AGBL4: variants seen among roughly 807,000 people sequenced by gnomAD.
AGBL4 encodes the protein AGBL carboxypeptidase 4.
AGBL4 carries 58 observed loss-of-function variants against 66.4 expected under a neutral mutation model. The ratio of observed to expected loss-of-function variants is 0.87; its 90% confidence interval spans 0.71 to 1.09. The LOEUF is 1.09. Among genes scored for constraint, AGBL4 ranks in the 50% least tolerant of loss-of-function variants. The pLI, the probability that AGBL4 is intolerant of heterozygous loss-of-function variation, is 0.00. For synonymous variants in AGBL4, 234 were observed against 222.9 expected (o/e 1.05, Z -0.44); for missense variants, 579 against 631.0 (o/e 0.92, Z 0.88).
chr1:49,388,829 G>T (rs1288502020), intron 3 of AGBL4, among the ~76,000 whole-genome samples: 1 of 152,160 alleles, frequency 6.6e-6, no homozygotes, highest in Non-Finnish European at 1.5e-5. Context: ...GAAGTTTAAT[G>T]CCTCTGTCAG....
intron 3 of AGBL4, 126 bp downstream of exon 3, chr1:49,697,187 G>T: frequency 8.9e-7 from 1 of 1,118,438 alleles, no homozygotes; most frequent in Non-Finnish European, 1.2e-6. Flanking sequence ...AACCAAAACT[G>T]TATCATTGCT....
intron 3 of AGBL4, among the ~76,000 whole-genome samples, chr1:49,453,360 G>A (rs1270293117): frequency 6.6e-6 from 1 of 151,736 alleles, no homozygotes; most frequent in Non-Finnish European, 1.5e-5. Flanking sequence ...GACAGCAGAT[G>A]TACCCCAGAT....
chr1:49,067,471 G>A (rs1644512245), intron 4 of AGBL4, among the ~76,000 whole-genome samples: 1 of 152,096 alleles, frequency 6.6e-6, no homozygotes, highest in Non-Finnish European at 1.5e-5. Context: ...CATTCTTTCT[G>A]TTCTTGTAAT....
intron 2 of AGBL4, chr1:49,845,847 T>C: frequency 6.9e-7 from 1 of 1,458,782 alleles, no homozygotes; most frequent in Non-Finnish European, 9.6e-7. Context: ...GCAGTCAGTG[T>C]GGGAAGGCCT....
chr1:49,454,835 A>G (rs1421962175), intron 3 of AGBL4, among the ~76,000 whole-genome samples: 1 of 151,664 alleles, frequency 6.6e-6, no homozygotes, highest in Non-Finnish European at 1.5e-5. Flanking sequence ...ACATGATGTT[A>G]CTAAAGCCAC....
At chr1:49,803,827 T>A (rs540067804) in intron 2 of AGBL4, among the ~76,000 whole-genome samples, 67 of 152,328 alleles carry the variant, frequency 4.4e-4, no homozygotes, top group African/African-American at 1.2e-3. Flanking sequence ...ATAAACCCAG[T>A]TTTTCTAATC....
chr1:49,751,508 TAGAG>T (rs1437671757), intron 2 of AGBL4, among the ~76,000 whole-genome samples: 1 of 152,228 alleles, frequency 6.6e-6, no homozygotes, highest in Non-Finnish European at 1.5e-5. Context: ...GATTTTCGCA[TAGAG>T]ATTCATCAGG....
intron 4 of AGBL4, among the ~76,000 whole-genome samples, chr1:49,115,300 A>G (rs2148030157): frequency 1.3e-5 from 2 of 152,296 alleles, no homozygotes; most frequent in African/African-American, 4.8e-5. Context: ...TGAAATTAGT[A>G]TGTGTATCTT....
At chr1:48,615,335 C>T (rs889126341) in intron 9 of AGBL4, among the ~76,000 whole-genome samples, 5 of 152,154 alleles carry the variant, frequency 3.3e-5, no homozygotes, top group African/African-American at 1.2e-4. Context: ...TGTGCTGGTG[C>T]ATCTTGGGAA....
intron 6 of AGBL4, among the ~76,000 whole-genome samples, chr1:48,709,239 T>G (rs1323258515): frequency 6.6e-6 from 1 of 152,222 alleles, no homozygotes; most frequent in Non-Finnish European, 1.5e-5. Flanking sequence ...ATTCTTGTAC[T>G]AGGCTCTGAG....
intron 11 of AGBL4, among the ~76,000 whole-genome samples, chr1:48,582,438 G>A (rs1292166091): frequency 1.3e-5 from 2 of 152,206 alleles, no homozygotes; most frequent in African/African-American, 4.8e-5. Flanking sequence ...CTGATGGGTA[G>A]GAAGTATTAC....
intron 3 of AGBL4, among the ~76,000 whole-genome samples, chr1:49,447,265 G>A (rs1326932240): frequency 6.6e-6 from 1 of 152,138 alleles, no homozygotes; most frequent in African/African-American, 2.4e-5. Context: ...CACAGGCTCT[G>A]GAAAGTGCAT....
intron 4 of AGBL4, among the ~76,000 whole-genome samples, chr1:49,067,904 C>T (rs1203467812): frequency 6.6e-6 from 1 of 151,416 alleles, no homozygotes; most frequent in African/African-American, 2.4e-5. Flanking sequence ...TATCCCTCCC[C>T]CAGCCCCCCA....
At chr1:49,561,213 C>A (rs991176685) in intron 3 of AGBL4, among the ~76,000 whole-genome samples, 1 of 151,522 alleles carries the variant, frequency 6.6e-6, no homozygotes, top group Non-Finnish European at 1.5e-5. Flanking sequence ...GTGGGTAAAC[C>A]AATTTAGGGT....
chr1:48,935,958 GAAAAAAAAAAAAAAAAAAAAAAAA>G (rs71056686), intron 5 of AGBL4, among the ~76,000 whole-genome samples: 2 of 24,584 alleles, frequency 8.1e-5, no homozygotes, highest in East Asian at 1.9e-3. Context: ...GACTCTGTCT[GAAAAAAAAAAAAAAAAAAAAAAAA>G]AAAAAAAAAA....
At chr1:49,575,673 T>C (rs1170104659) in intron 3 of AGBL4, among the ~76,000 whole-genome samples, 1 of 152,238 alleles carries the variant, frequency 6.6e-6, no homozygotes, top group East Asian at 1.9e-4. Context: ...CTGTACCATA[T>C]GTGGTTTCAT....
chr1:49,598,464 GT>G (rs1437069893), intron 3 of AGBL4, among the ~76,000 whole-genome samples: 1 of 152,212 alleles, frequency 6.6e-6, no homozygotes, highest in Non-Finnish European at 1.5e-5. Flanking sequence ...GTCTGTTGGA[GT>G]TTGCTAGAGG....
intron 6 of AGBL4, among the ~76,000 whole-genome samples, chr1:48,760,325 G>A (rs1468487556): frequency 6.6e-6 from 1 of 152,202 alleles, no homozygotes. Context: ...TGGGGCATGT[G>A]TAGGAAGTGC....
intron 5 of AGBL4, among the ~76,000 whole-genome samples, chr1:48,911,461 AT>A (rs1653094948): frequency 1.3e-5 from 2 of 151,950 alleles, no homozygotes; most frequent in African/African-American, 4.8e-5. Context: ...ACTAAAAAAA[AT>A]ACAAAAAATT....
Sources: gnomAD v4.1 joint callset for allele counts (sites outside exome capture counted in the v4.1 genomes callset) on GRCh38, gnomAD v4.1.1 for gene constraint, MANE v1.5 for transcripts, NCBI Gene and HGNC (gene_info 2026-07-23, HGNC 2026-07-21) for gene names.